The following TRMT9B variants were observed in gnomAD, a reference collection of about 807,000 sequenced individuals.
TRMT9B encodes the protein probable tRNA methyltransferase 9B.
Under a neutral mutation model 11.5 loss-of-function variants are expected in TRMT9B, and 16 were observed. The ratio of observed to expected loss-of-function variants is 1.39; its 90% confidence interval spans 0.94 to 2.11. The LOEUF (loss-of-function observed/expected upper bound fraction) is 2.11. TRMT9B is among the 30% of genes most tolerant of loss of function. TRMT9B has a pLI of 0.00. For synonymous variants in TRMT9B, 274 were observed against 192.4 expected (o/e 1.42, Z -3.51); for missense variants, 941 against 553.8 (o/e 1.70, Z -7.02).
intron 1 of TRMT9B, among the ~76,000 whole-genome samples, chr8:12,987,854 G>C (rs1806601102): frequency 6.6e-6 from 1 of 152,102 alleles, no homozygotes; most frequent in African/African-American, 2.4e-5. Flanking sequence ...CATTCATGAT[G>C]GTGTGCCAAC....
intron 1 of TRMT9B, among the ~76,000 whole-genome samples, chr8:12,968,219 C>T (rs1480071151): frequency 4.6e-5 from 7 of 152,188 alleles, no homozygotes; most frequent in East Asian, 1.9e-4. Context: ...GTTCAAGTCA[C>T]GGAAGACATA....
chr8:13,017,167 T>C (rs987878949), intron 4 of TRMT9B, among the ~76,000 whole-genome samples: 2 of 152,230 alleles, frequency 1.3e-5, no homozygotes, highest in East Asian at 1.9e-4. Flanking sequence ...ATAGTACTGA[T>C]GTTTAAAAAA....
At chr8:12,986,333 C>T (rs984430873) in intron 1 of TRMT9B, among the ~76,000 whole-genome samples, 8 of 152,076 alleles carry the variant, frequency 5.3e-5, no homozygotes, top group Admixed American at 5.2e-4. Context: ...CTTTTCTGTT[C>T]TCCACGTGTT....
In TRMT9B at chr8:13,021,762, T is replaced by C. The variant is rs1220417376; in HGVS notation, c.1083T>C (p.Asp361=). ...CTAATACTGGTGTGAATTGTGTGGA[T>C]GCAGGCAACATAGAAGATGATAATC... ...DSTNTGVNCV[D]AGNIEDDNPS... is the part of the protein sequence containing the mutation. The change falls in exon 5 of 5, where the codon GAT becomes GAC. Residue 361 remains aspartate, a synonymous_variant. Coordinates refer to ENST00000524591, the MANE Select transcript of TRMT9B (RefSeq NM_020844.3). 2 of 1,613,998 alleles carry C rather than the reference T, an allele frequency of 1.2e-6. No homozygotes were observed. The highest frequency in any genetic ancestry group is 1.1e-5 in the South Asian group (1 of 91,074).
intron 2 of TRMT9B, among the ~76,000 whole-genome samples, chr8:12,994,712 GCT>G (rs1793157106): frequency 6.6e-6 from 1 of 152,004 alleles, no homozygotes; most frequent in Non-Finnish European, 1.5e-5. Flanking sequence ...ACGGAGTTTC[GCT>G]CCTGTTGCCC....
chr8:12,990,063 A>G (rs1807057103), intron 1 of TRMT9B, among the ~76,000 whole-genome samples: 1 of 152,180 alleles, frequency 6.6e-6, no homozygotes, highest in Admixed American at 6.5e-5. Context: ...TAGAAAACCC[A>G]CACGCACCCT....
In TRMT9B at chr8:13,022,264, T is replaced by C. The variant is rs1044829004; in HGVS notation, c.*220T>C. On this transcript the variant is annotated 3_prime_UTR_variant, in exon 5 of 5. Coordinates refer to ENST00000524591, the MANE Select transcript of TRMT9B (RefSeq NM_020844.3). ...AAGGGTATTTGTGCTTAAATGTTAA[T>C]ATACAAGATCTGAAGAAGCAACAGA... The C allele has an allele frequency of 1.7e-5, 8 of 478,154 alleles. No homozygotes were observed. The highest frequency in any genetic ancestry group is 1.6e-4 in the Admixed American group (4 of 25,554). 29.6% of individuals were successfully genotyped at this position (478,154 alleles called of 1,614,324 possible). A position where few individuals can be genotyped will look rare whatever the true frequency, so the allele number is the denominator to read the frequency against.
At chr8:13,020,366 C>T (rs1038846937) in intron 4 of TRMT9B, among the ~76,000 whole-genome samples, 4 of 152,196 alleles carry the variant, frequency 2.6e-5, no homozygotes, top group Non-Finnish European at 4.4e-5. Flanking sequence ...TAAAGGCAGT[C>T]TTACTTGAAG....
In TRMT9B at chr8:13,022,014, C is replaced by A; in HGVS notation, c.1335C>A (p.Ile445=). 1.2e-6 allele frequency: 2 copies of A among 1,602,148 alleles called. No homozygotes were observed. The highest frequency in any genetic ancestry group is 1.1e-5 in the South Asian group (1 of 88,506). Reference sequence around the variant, plus strand: ...GGAATGATCATGGTAACTGGTGTATCATTGCAGAGAAAAAGAGAGGTTGTG... The same window carrying A: ...GGAATGATCATGGTAACTGGTGTATAATTGCAGAGAAAAAGAGAGGTTGTG... ...SSGNDHGNWC[I]IAEKKRGCD The change falls in exon 5 of 5, where the codon ATC becomes ATA. Residue 445 remains isoleucine (I), a synonymous_variant. Coordinates refer to ENST00000524591, the MANE Select transcript of TRMT9B (RefSeq NM_020844.3).
chr8:12,980,720 C>T (rs1475249435), intron 1 of TRMT9B, among the ~76,000 whole-genome samples: 1 of 152,150 alleles, frequency 6.6e-6, no homozygotes, highest in Non-Finnish European at 1.5e-5. Flanking sequence ...CTTCGTGACA[C>T]AAGCTGAACC....
chr8:12,948,387 G>A (rs1316135159), intron 1 of TRMT9B, among the ~76,000 whole-genome samples: 2 of 148,636 alleles, frequency 1.3e-5, no homozygotes, highest in Non-Finnish European at 3.0e-5. Context: ...ATGAACCATC[G>A]TAATTCAAGG....
At chr8:12,991,595 T>C (rs1807341617) in intron 2 of TRMT9B, among the ~76,000 whole-genome samples, 1 of 152,202 alleles carries the variant, frequency 6.6e-6, no homozygotes, top group African/African-American at 2.4e-5. Context: ...TGTATTTCTT[T>C]TTAGTTATGA....
chr8:12,959,516 C>CTTTTTTTTTTTTTTTTTTTTTTTT lies in TRMT9B; in HGVS notation c.-200+13573_-200+13574insTTTTTTTTTTTTTTTTTTTTTTTT, dbSNP rs61536433. 1.2e-4 allele frequency among the ~76,000 whole-genome samples: 9 copies of CTTTTTTTTTTTTTTTTTTTTTTTT among 74,932 alleles called. 3 individuals carry two copies. The highest frequency in any genetic ancestry group is 1.5e-4 in the African/African-American group (3 of 19,960). 49.2% of individuals were successfully genotyped at this position (74,932 alleles called of 152,430 possible). ...TCTCCTCTCCTTTCCTTTTTCCTTCCTTTTTTTTTTTTTTTTTTTTTTTGA... is the reference window on the plus strand; with the variant it reads ...TCTCCTCTCCTTTCCTTTTTCCTTCCTTTTTTTTTTTTTTTTTTTTTTTTTTTTTTTTTTTTTTTTTTTTTTTGA... On this transcript the variant is annotated intron_variant, in intron 1 of 4. Transcript: ENST00000524591.
At chr8:13,004,087 C>G (rs558555403) in intron 2 of TRMT9B, among the ~76,000 whole-genome samples, 30 of 152,066 alleles carry the variant, frequency 2.0e-4, no homozygotes, top group African/African-American at 7.2e-4. Flanking sequence ...ACTCAGCTGA[C>G]AGCTGCCCAC....
intron 2 of TRMT9B, among the ~76,000 whole-genome samples, chr8:12,999,514 C>G (rs1809009147): frequency 1.3e-5 from 2 of 151,756 alleles, no homozygotes; most frequent in African/African-American, 4.8e-5. Flanking sequence ...TCAATTATAC[C>G]TAAATAAAAC....
At chr8:12,953,665 G>A (rs1800933611) in intron 1 of TRMT9B, among the ~76,000 whole-genome samples, 2 of 152,234 alleles carry the variant, frequency 1.3e-5, no homozygotes, top group South Asian at 4.1e-4. Context: ...GGAAGGGAGA[G>A]TTAGAACTTT....
chr8:12,977,436 C>CCAAGAA (rs1804630998), intron 1 of TRMT9B, among the ~76,000 whole-genome samples: 2 of 152,198 alleles, frequency 1.3e-5, no homozygotes. Flanking sequence ...GGCGTGGGTG[C>CCAAGAA]TCACATCTGT....
In TRMT9B at chr8:12,954,187, C is replaced by T. The variant is rs1030018981; in HGVS notation, c.-200+8221C>T. The stretch of plus-strand genomic sequence containing the variant: ...CCAGTAAATCTTAAATCTCTGTGTA[C>T]GTGTATCTCTGACAGCGAAATCTTA... On this transcript the variant is annotated intron_variant, in intron 1 of 4. Coordinates refer to ENST00000524591, the MANE Select transcript of TRMT9B (RefSeq NM_020844.3). Among the ~76,000 whole-genome samples, 17 of 152,264 alleles carry T rather than the reference C, an allele frequency of 1.1e-4. No homozygotes were observed. In the South Asian group the frequency reaches 1.7e-3, roughly 15 times the overall value.
Position 13,021,605 on chromosome 8 carries a change from A to C in TRMT9B, c.926A>C (p.Glu309Ala). ...TCAACAAAAGGGCAAAGTTTAGATG[A>C]GGAAGTGTTTGTGGAATCTTCTTCT... ...PFSTKGQSLD[E>A]EVFVESSSGK... Residue 309 changes from glutamate to alanine, a missense_variant, in exon 5 of 5, where the codon GAG becomes GCG. Coordinates refer to ENST00000524591, the MANE Select transcript of TRMT9B (RefSeq NM_020844.3). The C allele has an allele frequency of 1.2e-6, 2 of 1,613,930 alleles. No homozygotes were observed. Among genetic ancestry groups the C allele is most frequent in the Non-Finnish European group, 1.7e-6 (2 of 1,179,848 alleles).
Sources: gnomAD v4.1 joint callset for allele counts (sites outside exome capture counted in the v4.1 genomes callset) on GRCh38, gnomAD v4.1.1 for gene constraint, MANE v1.5 for transcripts, NCBI Gene and HGNC (gene_info 2026-07-23, HGNC 2026-07-21) for gene names.